AHRR: variants seen among roughly 807,000 people sequenced by gnomAD.
AHRR encodes ahR repressor.
AHRR carries 28 observed loss-of-function variants against 44.0 expected under a neutral mutation model. The ratio of observed to expected loss-of-function variants is 0.64; its 90% CI spans 0.47 to 0.87. AHRR has a LOEUF of 0.87. Among genes scored for constraint, AHRR ranks in the 40% least tolerant of loss-of-function variants. The pLI, the probability that AHRR is intolerant of heterozygous loss-of-function variation, is 0.00. For missense variants in AHRR, 990 were observed against 953.9 expected (o/e 1.04, Z -0.50); for synonymous variants, 434 against 407.0 (o/e 1.07, Z -0.80).
chr5:368,686 G>A (rs149537519), intron 3 of AHRR, among the ~76,000 whole-genome samples: 67 of 152,304 alleles, frequency 4.4e-4, no homozygotes, highest in African/African-American at 1.5e-3. Flanking sequence ...TCTGCAGGAC[G>A]AGCGTGTGAC....
intron 4 of AHRR, among the ~76,000 whole-genome samples, chr5:390,423 C>T (rs1187240270): frequency 6.6e-6 from 1 of 152,166 alleles, no homozygotes; most frequent in African/African-American, 2.4e-5. Flanking sequence ...CCGCACCGAC[C>T]AAATGAAAAT....
At chr5:348,330 C>T (rs1251543238) in intron 2 of AHRR, among the ~76,000 whole-genome samples, 1 of 150,612 alleles carries the variant, frequency 6.6e-6, no homozygotes, top group South Asian at 2.1e-4. Flanking sequence ...GATTCCCCCC[C>T]TCCTTTTTTT....
chr5:401,151 C>G (rs745803793), intron 4 of AHRR, among the ~76,000 whole-genome samples: 17 of 152,250 alleles, frequency 1.1e-4, no homozygotes, highest in Non-Finnish European at 2.2e-4. Context: ...CACCTGTTTT[C>G]TAACAACCCC....
intron 2 of AHRR, among the ~76,000 whole-genome samples, chr5:350,036 A>G (rs1264985285): frequency 1.3e-5 from 2 of 152,162 alleles, no homozygotes; most frequent in Non-Finnish European, 2.9e-5. Context: ...AGCTTTAGAG[A>G]GGGCTTAAAC....
Position 340,689 on chromosome 5 carries a change from T to TATA in AHRR, c.-10-3204_-10-3203insATA, listed in dbSNP as rs1491423678. Among the ~76,000 whole-genome samples, 77 of 17,408 alleles carry TATA rather than the reference T, an allele frequency of 4.4e-3. 1 individual carries two copies. Among genetic ancestry groups the TATA allele is most frequent in the African/African-American group, 0.019 (73 of 3,882 alleles). 11.4% of individuals were successfully genotyped at this position (17,408 alleles called of 152,430 possible). On this transcript the variant is annotated intron_variant, in intron 1 of 10. Transcript: ENST00000684583. ...TTATATATATATATATATATATATA[T>TATA]TTTTTTTTTTTTTTTTTTTTTTTTG...
At chr5:397,991 C>CCCTGACCATCCACGTAGCT (rs1734822068) in intron 4 of AHRR, among the ~76,000 whole-genome samples, 3 of 114,718 alleles carry the variant, frequency 2.6e-5, no homozygotes, top group Non-Finnish European at 5.5e-5. Context: ...TCCACGTAGC[C>CCCTGACCATCCACGTAGCT]CCTGACCATC....
At chr5:328,343 C>T (rs1014307919) in intron 1 of AHRR, among the ~76,000 whole-genome samples, 1 of 136,380 alleles carries the variant, frequency 7.3e-6, no homozygotes, top group Non-Finnish European at 1.5e-5. Context: ...TCTCAGCTCA[C>T]TGCAACCTCT....
rs986621578 is a variant in AHRR at position 388,976 on chromosome 5, T to C, written c.351+12260T>C. On this transcript the variant is annotated intron_variant, in intron 4 of 10. Transcript: ENST00000684583. The surrounding 1 kb of genome is among the most constrained non-coding windows in gnomAD (Gnocchi z 5.2). ...AAGAGCAAAGGGCCCCAAGCAGTTG[T>C]CACCTGAACGGGAGGGCTGGCTGGG... Among the ~76,000 whole-genome samples the C allele has an allele frequency of 3.9e-5, 6 of 152,080 alleles. No individual in the cohort carries two copies. The highest frequency in any genetic ancestry group is 1.4e-4 in the African/African-American group (6 of 41,416).
chr5:429,951 G>A (rs1347894148), intron 8 of AHRR, among the ~76,000 whole-genome samples: 2 of 152,158 alleles, frequency 1.3e-5, no homozygotes, highest in African/African-American at 2.4e-5. Context: ...CCCGGGTTAC[G>A]GTTTCCAGAT....
chr5:326,078 C>A lies in AHRR; in HGVS notation c.-11+4259C>A, dbSNP rs1030081713. Among the ~76,000 whole-genome samples, 15 of 152,214 alleles carry A rather than the reference C, an allele frequency of 9.9e-5. No homozygotes were observed. Among genetic ancestry groups the A allele is most frequent in the Non-Finnish European group, 1.0e-4 (7 of 68,044 alleles). On this transcript the variant is annotated intron_variant, in intron 1 of 10. Transcript: ENST00000684583. This position sits in a 1 kb window ranked among gnomAD's most constrained non-coding sequence, Gnocchi z 4.1. ...GATTACAGGCGTGAGCCACTGCGGC[C>A]GGCCTCTTTGTATTTTCTCGTTGAG...
Position 337,550 on chromosome 5 carries a change from T to C in AHRR, c.-10-6343T>C, listed in dbSNP as rs1361447656. 6.6e-6 allele frequency among the ~76,000 whole-genome samples: 1 copy of C among 152,204 alleles called. No individual in the cohort carries two copies. Among genetic ancestry groups the C allele is most frequent in the East Asian group, 1.9e-4 (1 of 5,200 alleles). Reference sequence around the variant, plus strand: ...TGCGCCACCATGCTTGGCTAATTTTTAAAAATTATTTTCTGTAGAGATGAG... The same window carrying C: ...TGCGCCACCATGCTTGGCTAATTTTCAAAAATTATTTTCTGTAGAGATGAG... On this transcript the variant is annotated intron_variant, in intron 1 of 10. Coordinates refer to ENST00000684583, the MANE Select transcript of AHRR (RefSeq NM_001377236.1). This position sits in a 1 kb window ranked among gnomAD's most constrained non-coding sequence, Gnocchi z 4.1.
chr5:333,951 C>CT lies in AHRR; in HGVS notation c.-10-9939dup, dbSNP rs545339337. On this transcript the variant is annotated intron_variant, in intron 1 of 10. Coordinates refer to ENST00000684583, the MANE Select transcript of AHRR (RefSeq NM_001377236.1). ...CTCAGATCGGCTTTTCTGGGAAAGA[C>CT]TTTATTTCTCCTTCATTTATGAAGG... 1.2e-4 allele frequency among the ~76,000 whole-genome samples: 18 copies of CT among 152,212 alleles called. No individual in the cohort carries two copies. The South Asian group carries it at 3.7e-3, about 32-fold the overall frequency.
intron 4 of AHRR, among the ~76,000 whole-genome samples, chr5:394,982 C>T (rs982946850): frequency 9.9e-5 from 15 of 152,244 alleles, no homozygotes; most frequent in African/African-American, 2.7e-4. Context: ...CCTCAGGCCC[C>T]GGCCCCAGCC....
In AHRR at chr5:423,755, G is replaced by A. The variant is rs572057842; in HGVS notation, c.572-86G>A. The A allele has an allele frequency of 3.1e-5, 47 of 1,492,666 alleles. 1 individual carries two copies. The South Asian group carries it at 4.7e-4, about 15-fold the overall frequency. 92.5% of individuals were successfully genotyped at this position (1,492,666 alleles called of 1,614,324 possible). On this transcript the variant is annotated intron_variant, in intron 6 of 10. Coordinates refer to ENST00000684583, the MANE Select transcript of AHRR (RefSeq NM_001377236.1). Reference sequence around the variant, plus strand: ...TGATAGGGTTTACATGACCTGGCGCGTGAGAGCCGTGGGCGTGGTTGTGCG... The same window carrying A: ...TGATAGGGTTTACATGACCTGGCGCATGAGAGCCGTGGGCGTGGTTGTGCG...
In AHRR at chr5:383,195, C is replaced by T. The variant is rs951056374; in HGVS notation, c.351+6479C>T. On this transcript the variant is annotated intron_variant, in intron 4 of 10. Transcript: ENST00000684583. The surrounding 1 kb of genome is among the most constrained non-coding windows in gnomAD (Gnocchi z 4.0). Reference sequence around the variant, plus strand: ...ATTTTAATATGGTCTGTCTTGATGACTGTTCACTGCACTGGGAAAATAGGG... The same window carrying T: ...ATTTTAATATGGTCTGTCTTGATGATTGTTCACTGCACTGGGAAAATAGGG... Among the ~76,000 whole-genome samples the T allele has an allele frequency of 1.1e-4, 16 of 152,286 alleles. 1 individual carries two copies. The highest frequency in any genetic ancestry group is 3.9e-4 in the African/African-American group (16 of 41,550).
chr5:340,992 C>CTGGCCT (rs1384799303), intron 1 of AHRR, among the ~76,000 whole-genome samples: 1 of 149,374 alleles, frequency 6.7e-6, no homozygotes, highest in African/African-American at 2.5e-5. Flanking sequence ...GCCACTGCAC[C>CTGGCCT]CAGCTCTATA....
rs1375795343 is a variant in AHRR at position 434,115 on chromosome 5, G to C, written c.1375G>C (p.Ala459Pro). ...TCACCCGCCGAGCCCGTCCCCCAGT[G>C]CCTACTCCAGCCGGACCAGCAGACC... ...ISHPPSPSPSAYSSRTSRPMR... is the reference protein window; with the variant it reads ...ISHPPSPSPSPYSSRTSRPMR... Residue 459 changes from alanine to proline, a missense_variant, in exon 11 of 11, where the codon GCC becomes CCC. Coordinates refer to ENST00000684583, the MANE Select transcript of AHRR (RefSeq NM_001377236.1). 6.2e-7 allele frequency: 1 copy of C among 1,612,822 alleles called. No homozygotes were observed. The highest frequency in any genetic ancestry group is 8.5e-7 in the Non-Finnish European group (1 of 1,179,864).
At chr5:393,360 C>T (rs552785034) in intron 4 of AHRR, among the ~76,000 whole-genome samples, 87 of 152,386 alleles carry the variant, frequency 5.7e-4, no homozygotes, top group African/African-American at 2.1e-3. Context: ...GATCACGTCG[C>T]TCACTAACCG....
intron 2 of AHRR, 65 bp downstream of exon 2, chr5:344,029 G>A: frequency 1.3e-6 from 2 of 1,530,196 alleles, no homozygotes; most frequent in South Asian, 1.2e-5. Context: ...GTTGGGGTTT[G>A]CCTTGAAAAC....
Sources: allele counts gnomAD v4.1 joint callset (sites outside exome capture counted in the v4.1 genomes callset), GRCh38; gene constraint gnomAD v4.1.1; non-coding constraint Gnocchi (gnomAD v3.1); transcripts MANE v1.5; gene names NCBI Gene and HGNC (gene_info 2026-07-23, HGNC 2026-07-21).